Variants in UBL3 observed in about 807,000 individuals in gnomAD.
The protein encoded by UBL3 is ubiquitin like 3.
UBL3 carries 6 observed loss-of-function variants against 18.4 expected under a neutral mutation model. The observed-to-expected ratio is 0.33, with a 90% CI of 0.18 to 0.64. The LOEUF (loss-of-function observed/expected upper bound fraction) is 0.64, where lower values mean the gene tolerates loss of function less well. Among genes scored for constraint, UBL3 ranks in the 30% least tolerant of loss-of-function variants. The pLI is 0.76. For synonymous variants in UBL3, 49 were observed against 46.6 expected (o/e 1.05, Z -0.21); for missense variants, 109 against 142.9 (o/e 0.76, Z 1.21).
intron 1 of UBL3, among the ~76,000 whole-genome samples, chr13:29,836,601 C>T (rs1272819389): frequency 6.6e-6 from 1 of 151,808 alleles, no homozygotes; most frequent in African/African-American, 2.4e-5. Flanking sequence ...CTTCAATTCC[C>T]CCTTGAGGTA....
intron 1 of UBL3, chr13:29,779,322 T>C: frequency 2.4e-6 from 1 of 419,712 alleles, no homozygotes. Context: ...ACGGAATATT[T>C]AAGGTTCTTC....
At chr13:29,811,090 A>C (rs112631967) in intron 1 of UBL3, among the ~76,000 whole-genome samples, 22 of 152,184 alleles carry the variant, frequency 1.4e-4, no homozygotes, top group African/African-American at 5.3e-4. Context: ...CACCCAGAAC[A>C]CAATGTGATC....
chr13:29,768,340 T>C (rs1197159653), intron 3 of UBL3, among the ~76,000 whole-genome samples: 1 of 152,074 alleles, frequency 6.6e-6, no homozygotes, highest in Non-Finnish European at 1.5e-5. Flanking sequence ...CACACACCCA[T>C]GTCCACTAAG....
chr13:29,830,213 T>G (rs1878738323), intron 1 of UBL3, among the ~76,000 whole-genome samples: 1 of 152,244 alleles, frequency 6.6e-6, no homozygotes, highest in Non-Finnish European at 1.5e-5. Context: ...GTCCATCTAG[T>G]GGTTCTAATT....
intron 1 of UBL3, among the ~76,000 whole-genome samples, chr13:29,787,707 A>C (rs1408295189): frequency 1.3e-5 from 2 of 152,222 alleles, no homozygotes; most frequent in African/African-American, 4.8e-5. Context: ...ATGAATTCAA[A>C]AGTACTTTCT....
At chr13:29,829,501 T>C (rs527469067) in intron 1 of UBL3, among the ~76,000 whole-genome samples, 1 of 152,082 alleles carries the variant, frequency 6.6e-6, no homozygotes, top group African/African-American at 2.4e-5. Flanking sequence ...GCGCGGGATA[T>C]AATCTTCTGG....
chr13:29,845,517 CATGGCATTTTCTCCTGGTATATTCAACAT>C (rs1342598518), intron 1 of UBL3, among the ~76,000 whole-genome samples: 1 of 152,010 alleles, frequency 6.6e-6, no homozygotes, highest in Non-Finnish European at 1.5e-5. Flanking sequence ...CTTTTCCTTT[CATGGCATTTTCTCCTGGTATATTCAACAT>C]ATGTCATTTT....
intron 1 of UBL3, among the ~76,000 whole-genome samples, chr13:29,797,059 AAATT>A (rs1450235980): frequency 2.6e-5 from 4 of 152,168 alleles, no homozygotes; most frequent in Admixed American, 1.3e-4. Context: ...ACGTATTTAT[AAATT>A]AATTATTTAT....
intron 2 of UBL3, among the ~76,000 whole-genome samples, chr13:29,773,305 TG>T (rs1348519392): frequency 6.6e-6 from 1 of 152,148 alleles, no homozygotes; most frequent in Non-Finnish European, 1.5e-5. Context: ...CGTCATTTCC[TG>T]CCCCCGCTCC....
At chr13:29,849,394 C>T in intron 1 of UBL3, 118 bp downstream of exon 1, 2 of 1,402,940 alleles carry the variant, frequency 1.4e-6, no homozygotes, top group Non-Finnish European at 2.0e-6. Context: ...CCAAATCGCT[C>T]AGCACAGTGG....
intron 1 of UBL3, among the ~76,000 whole-genome samples, chr13:29,801,490 C>A (rs910643619): frequency 1.3e-5 from 2 of 152,090 alleles, no homozygotes; most frequent in African/African-American, 2.4e-5. Flanking sequence ...AGCCCTCAAC[C>A]CCCGCATTTT....
At chr13:29,789,058 C>T (rs1877418185) in intron 1 of UBL3, among the ~76,000 whole-genome samples, 2 of 152,074 alleles carry the variant, frequency 1.3e-5, no homozygotes, top group Non-Finnish European at 2.9e-5. Flanking sequence ...CACCACCACA[C>T]CCAGCTAATT....
intron 1 of UBL3, among the ~76,000 whole-genome samples, chr13:29,827,014 CTGAG>C (rs1235515936): frequency 1.3e-5 from 2 of 152,120 alleles, no homozygotes; most frequent in African/African-American, 2.4e-5. Flanking sequence ...TTTCTTAATC[CTGAG>C]TTCTAGTTTG....
intron 1 of UBL3, among the ~76,000 whole-genome samples, chr13:29,778,228 G>A (rs117995272): frequency 3.4e-3 from 519 of 152,190 alleles, no homozygotes; most frequent in Non-Finnish European, 5.6e-3. Context: ...CCCTAAGGGG[G>A]ATAACAGAAT....
rs141746114 is a variant in UBL3, at chr13:29,839,492, A to C, written c.27+10020T>G. 4.2e-3 allele frequency among the ~76,000 whole-genome samples: 637 copies of C among 152,282 alleles called. 6 individuals carry two copies. The highest frequency in any genetic ancestry group is 0.014 in the African/African-American group (588 of 41,546). The stretch of plus-strand genomic sequence containing the variant: ...TTAAATTCCAAAAATATTCCAAAAA[A>C]ACCCCACAAAGGAGCCAGGCACAGT... On this transcript the variant is annotated intron_variant, in intron 1 of 4. Coordinates refer to ENST00000380680, the MANE Select transcript of UBL3 (RefSeq NM_007106.4).
chr13:29,840,505 G>A (rs1002952178), intron 1 of UBL3, among the ~76,000 whole-genome samples: 3 of 151,804 alleles, frequency 2.0e-5, no homozygotes, highest in Non-Finnish European at 2.9e-5. Flanking sequence ...ACCTAAATCT[G>A]TCAAATACTT....
intron 1 of UBL3, among the ~76,000 whole-genome samples, chr13:29,787,966 T>G (rs1877367800): frequency 1.3e-5 from 2 of 152,320 alleles, no homozygotes; most frequent in South Asian, 4.1e-4. Context: ...CAATTCTATT[T>G]CCTCTGTCCA....
intron 1 of UBL3, among the ~76,000 whole-genome samples, chr13:29,849,108 T>C (rs1208269392): frequency 6.6e-6 from 1 of 152,246 alleles, no homozygotes; most frequent in Non-Finnish European, 1.5e-5. Context: ...CGATCTCGTC[T>C]GTGTCATAAA....
chr13:29,839,922 G>A (rs866590561), intron 1 of UBL3, among the ~76,000 whole-genome samples: 3 of 143,188 alleles, frequency 2.1e-5, no homozygotes, highest in Non-Finnish European at 4.5e-5. Flanking sequence ...GTGAGACTCC[G>A]TCTCGGGGGA....
Sources: allele counts gnomAD v4.1 joint callset (sites outside exome capture counted in the v4.1 genomes callset), GRCh38; gene constraint gnomAD v4.1.1; transcripts MANE v1.5; gene names NCBI Gene and HGNC (gene_info 2026-07-23, HGNC 2026-07-21).